The following ATP8A1 variants were observed in gnomAD, a reference collection of about 807,000 sequenced individuals.
The protein encoded by ATP8A1 is phospholipid-transporting ATPase IA.
A neutral mutation model predicts 177.7 loss-of-function variants in ATP8A1; 90 were observed. That is an observed-to-expected ratio of 0.51 (90% confidence interval 0.43 to 0.60). ATP8A1 has a LOEUF of 0.60. Ranked by LOEUF, ATP8A1 falls within the 20% of genes least tolerant of loss-of-function variation. ATP8A1 has a pLI of 0.00. For synonymous variants in ATP8A1, 493 were observed against 485.9 expected, an observed-to-expected ratio of 1.01 and a Z score of -0.19; for missense variants, 1,072 against 1,392.8, an observed-to-expected ratio of 0.77 and a Z score of 3.67.
intron 20 of ATP8A1, among the ~76,000 whole-genome samples, chr4:42,528,242 C>T (rs1430166858): frequency 6.6e-6 from 1 of 152,164 alleles, no homozygotes; most frequent in Non-Finnish European, 1.5e-5. Flanking sequence ...CCCACATTGG[C>T]TCCCTGACTG....
intron 24 of ATP8A1, among the ~76,000 whole-genome samples, chr4:42,497,912 C>T (rs1723448232): frequency 6.7e-6 from 1 of 150,058 alleles, no homozygotes; most frequent in South Asian, 2.2e-4. Context: ...AATCTTTTTG[C>T]ATTAGGACAT....
At chr4:42,451,699 C>T (rs1187311073) in intron 30 of ATP8A1, among the ~76,000 whole-genome samples, 1 of 152,060 alleles carries the variant, frequency 6.6e-6, no homozygotes, top group Non-Finnish European at 1.5e-5. Context: ...TGTCCTCAAA[C>T]TATACATCAA....
intron 33 of ATP8A1, among the ~76,000 whole-genome samples, chr4:42,434,971 T>C (rs191403274): frequency 2.3e-3 from 351 of 152,356 alleles, no homozygotes; most frequent in Non-Finnish European, 4.3e-3. Flanking sequence ...CGTTTTTATC[T>C]TGTTTAATCC....
At chr4:42,442,813 A>G (rs1716777118) in intron 33 of ATP8A1, among the ~76,000 whole-genome samples, 1 of 152,240 alleles carries the variant, frequency 6.6e-6, no homozygotes, top group Non-Finnish European at 1.5e-5. Flanking sequence ...ACTGTCACGG[A>G]GCTCACATTA....
chr4:42,589,921 C>T (rs964564961), intron 7 of ATP8A1, among the ~76,000 whole-genome samples: 6 of 151,718 alleles, frequency 4.0e-5, no homozygotes, highest in African/African-American at 2.4e-5. Flanking sequence ...GTTCAAATGG[C>T]TAAGTTCTAT....
At chr4:42,503,581 T>C in intron 23 of ATP8A1, 67 bp from the exon 24 acceptor site, 4 of 1,018,852 alleles carry the variant, frequency 3.9e-6, no homozygotes, top group Non-Finnish European at 5.9e-6. Context: ...GTTAAAACAA[T>C]GATATGTACT....
intron 20 of ATP8A1, among the ~76,000 whole-genome samples, chr4:42,538,261 A>G (rs960168337): frequency 6.6e-6 from 1 of 152,208 alleles, no homozygotes; most frequent in African/African-American, 2.4e-5. Flanking sequence ...TTAGACAAAA[A>G]TCAACTCAAG....
At chr4:42,602,699 G>C (rs1735413784) in intron 5 of ATP8A1, among the ~76,000 whole-genome samples, 1 of 152,134 alleles carries the variant, frequency 6.6e-6, no homozygotes, top group African/African-American at 2.4e-5. Flanking sequence ...ACCCCGCGAG[G>C]GGGAGGTTGC....
chr4:42,434,381 G>A (rs1250208126), intron 33 of ATP8A1, among the ~76,000 whole-genome samples: 1 of 152,148 alleles, frequency 6.6e-6, no homozygotes, highest in Non-Finnish European at 1.5e-5. Flanking sequence ...TAAAGCATCA[G>A]TTGTTTGATT....
chr4:42,559,255 A>C (rs906051591), intron 15 of ATP8A1, among the ~76,000 whole-genome samples: 1 of 152,232 alleles, frequency 6.6e-6, no homozygotes, highest in African/African-American at 2.4e-5. Flanking sequence ...GGGAAAAAAT[A>C]TTTCCAACTT....
chr4:42,588,824 G>A (rs1733884268), intron 7 of ATP8A1, among the ~76,000 whole-genome samples: 1 of 152,082 alleles, frequency 6.6e-6, no homozygotes, highest in Non-Finnish European at 1.5e-5. Context: ...ATGATGAATA[G>A]GATCACATAA....
At chr4:42,605,058 T>C (rs1735657897) in intron 5 of ATP8A1, among the ~76,000 whole-genome samples, 1 of 152,166 alleles carries the variant, frequency 6.6e-6, no homozygotes, top group African/African-American at 2.4e-5. Context: ...GGGTTTCTTT[T>C]TGGATTAATG....
At chr4:42,521,022 A>G (rs1050457167) in intron 22 of ATP8A1, among the ~76,000 whole-genome samples, 2 of 152,196 alleles carry the variant, frequency 1.3e-5, no homozygotes, top group Non-Finnish European at 2.9e-5. Flanking sequence ...GAGGGGGGAA[A>G]TAGTCCAGGG....
intron 22 of ATP8A1, among the ~76,000 whole-genome samples, chr4:42,508,781 T>C (rs1724705790): frequency 2.0e-5 from 3 of 152,214 alleles, no homozygotes; most frequent in Admixed American, 2.0e-4. Context: ...CTTCATTTTT[T>C]TTCCATTTAA....
At chr4:42,440,497 C>T (rs1716503137) in intron 33 of ATP8A1, among the ~76,000 whole-genome samples, 1 of 152,084 alleles carries the variant, frequency 6.6e-6, no homozygotes, top group Non-Finnish European at 1.5e-5. Context: ...TTATGGTCTG[C>T]CCCCTTGCAC....
At position 42,412,277 on chromosome 4, in the gene ATP8A1, A is replaced by G. The variant is rs1274457209; in HGVS notation, c.*639T>C. 6.6e-6 allele frequency: 1 copy of G among 152,206 alleles called. No homozygotes were observed. The highest frequency in any genetic ancestry group is 2.4e-5 in the African/African-American group (1 of 41,466). The allele number at this position is 152,206 out of a possible 1,614,324, so 9.4% of individuals were successfully genotyped here. A position where few individuals can be genotyped will look rare whatever the true frequency, so the allele number is the denominator to read the frequency against. ...ATTCATTTTTGTAAATCACTCTTAC[A>G]TTTGGAAAGTCAGGCATGCAGATCT... is the stretch of plus-strand genomic sequence containing the variant. On this transcript the variant is annotated 3_prime_UTR_variant, in exon 37 of 37. Transcript: ENST00000381668.
At chr4:42,620,936 T>C (rs1029935098) in intron 4 of ATP8A1, among the ~76,000 whole-genome samples, 3 of 152,322 alleles carry the variant, frequency 2.0e-5, no homozygotes, top group Middle Eastern at 3.4e-3. Context: ...ACTTTCAATG[T>C]TATTGAAAAA....
intron 19 of ATP8A1, among the ~76,000 whole-genome samples, chr4:42,544,552 A>G (rs1224331775): frequency 2.6e-5 from 4 of 152,204 alleles, no homozygotes; most frequent in African/African-American, 9.6e-5. Context: ...AAAGAGCACA[A>G]ATATTTTAAT....
At chr4:42,604,148 T>C (rs1014660927) in intron 5 of ATP8A1, among the ~76,000 whole-genome samples, 5 of 152,166 alleles carry the variant, frequency 3.3e-5, no homozygotes, top group African/African-American at 9.7e-5. Flanking sequence ...CATCCTCACC[T>C]AGTTAACTTG....
Sources: allele counts gnomAD v4.1 joint callset (sites outside exome capture counted in the v4.1 genomes callset), GRCh38; gene constraint gnomAD v4.1.1; transcripts MANE v1.5; gene names NCBI Gene and HGNC (gene_info 2026-07-23, HGNC 2026-07-21).